The following MYO1H variants were observed in gnomAD, a reference collection of about 807,000 sequenced individuals.
MYO1H encodes myosin IH.
MYO1H carries 118 observed loss-of-function variants against 149.3 expected under a neutral mutation model. That is an observed-to-expected ratio of 0.79 (90% CI 0.68 to 0.92). MYO1H has a LOEUF of 0.92. MYO1H is among the 40% of genes least tolerant of loss of function. MYO1H has a pLI of 0.00. For missense variants in MYO1H, 1,212 were observed against 1,280.7 expected, an observed-to-expected ratio of 0.95 and a Z score of 0.82; for synonymous variants, 447 against 465.2, an observed-to-expected ratio of 0.96 and a Z score of 0.50.
At chr12:109,405,239 A>G (rs1157395777) in intron 7 of MYO1H, among the ~76,000 whole-genome samples, 1 of 152,096 alleles carries the variant, frequency 6.6e-6, no homozygotes, top group Non-Finnish European at 1.5e-5. Context: ...ATGGATGGAT[A>G]GATAGATAGA....
At chr12:109,379,635 T>C (rs756952197) in intron 1 of MYO1H, among the ~76,000 whole-genome samples, 3 of 151,770 alleles carry the variant, frequency 2.0e-5, no homozygotes, top group African/African-American at 4.8e-5. Flanking sequence ...AAATAGCATA[T>C]ATAGTTTGCA....
chr12:109,347,584 C>A (rs968733999), upstream of MYO1H, among the ~76,000 whole-genome samples: 3 of 149,302 alleles, frequency 2.0e-5, no homozygotes, highest in African/African-American at 7.4e-5. Flanking sequence ...ATTTTCTTTT[C>A]TTTTTTTTTT....
At chr12:109,408,906 C>G (rs891213939) in intron 10 of MYO1H, among the ~76,000 whole-genome samples, 1 of 152,116 alleles carries the variant, frequency 6.6e-6, no homozygotes, top group Non-Finnish European at 1.5e-5. Flanking sequence ...TCTTGTGCCT[C>G]AAACTCCCAA....
the MYO1H span, among the ~76,000 whole-genome samples, chr12:109,317,349 T>C: frequency 6.6e-6 from 1 of 152,198 alleles, no homozygotes; most frequent in African/African-American, 2.4e-5. Context: ...AGAGAAACAG[T>C]GTCTCATTAC....
the MYO1H span, among the ~76,000 whole-genome samples, chr12:109,312,976 C>T: frequency 6.6e-6 from 1 of 151,888 alleles, no homozygotes; most frequent in Non-Finnish European, 1.5e-5. Context: ...TGTGGTGGCT[C>T]AGGGCTGTAA....
At chr12:109,329,920 C>T in the MYO1H span, among the ~76,000 whole-genome samples, 1 of 152,132 alleles carries the variant, frequency 6.6e-6, no homozygotes, top group Non-Finnish European at 1.5e-5. Context: ...ATAGGACAGC[C>T]GTAGTCTCTG....
At chr12:109,443,773 C>A in intron 28 of MYO1H, 124 bp downstream of exon 28, 1 of 1,019,966 alleles carries the variant, frequency 9.8e-7, no homozygotes. Flanking sequence ...GGTAGTGATG[C>A]ACACCTGTAG....
rs182392734 is a variant in MYO1H, at chr12:109,428,318, G to A, written c.1949+732G>A. Among the ~76,000 whole-genome samples, 16 of 152,228 alleles carry A rather than the reference G, an allele frequency of 1.1e-4. No homozygotes were observed. The East Asian group carries it at 2.7e-3, about 26-fold the overall frequency. On this transcript the variant is annotated intron_variant, in intron 19 of 31. Transcript: ENST00000310903. ...GTGCCTTAGCGCAACGGGCTGTCAA[G>A]AGCAGCAGGTTAGCGGTGGGGACAT...
chr12:109,427,909 AATATATATATATAT>A (rs1555254297), intron 19 of MYO1H, among the ~76,000 whole-genome samples: 4 of 16,418 alleles, frequency 2.4e-4, no homozygotes, highest in South Asian at 3.4e-3. Flanking sequence ...AAAAAAAAAA[AATATATATATATAT>A]ATATATATAT....
In MYO1H at chr12:109,409,225, T is replaced by TTCTTCTTCTTCTTCTTCTTC. The variant is rs1566031713; in HGVS notation, c.1156-331_1156-330insCTTCTTCTTCTTCTTCTTCT. ...TCTCCTTCTTCTTCTCCTTCTTCTT[T>TTCTTCTTCTTCTTCTTCTTC]TTCTTCTTCTTCTTCTTCTTCTTTT... On this transcript the variant is annotated intron_variant, in intron 10 of 31. Coordinates refer to ENST00000310903, the Ensembl canonical transcript of MYO1H. Among the ~76,000 whole-genome samples, 53 of 105,072 alleles carry TTCTTCTTCTTCTTCTTCTTC rather than the reference T, an allele frequency of 5.0e-4. 2 individuals are homozygous for TTCTTCTTCTTCTTCTTCTTC. The highest frequency in any genetic ancestry group is 6.5e-4 in the Admixed American group (6 of 9,296). 68.9% of individuals were successfully genotyped at this position (105,072 alleles called of 152,430 possible). A position where few individuals can be genotyped will look rare whatever the true frequency, so the allele number is the denominator to read the frequency against.
intron 23 of MYO1H, among the ~76,000 whole-genome samples, chr12:109,439,054 C>T (rs949730324): frequency 2.4e-5 from 3 of 124,654 alleles, no homozygotes; most frequent in Admixed American, 9.0e-5. Context: ...TGAAATCTGG[C>T]TTTTGGGGTT....
At chr12:109,406,803 C>A in exon 9 of MYO1H, 1 of 1,613,626 alleles carries the variant, frequency 6.2e-7, no homozygotes, top group Non-Finnish European at 8.5e-7. Flanking sequence ...TGGGGGTCCA[C>A]CCATCAGTCC....
At chr12:109,382,321 A>G (rs990484977) in intron 1 of MYO1H, among the ~76,000 whole-genome samples, 1 of 152,236 alleles carries the variant, frequency 6.6e-6, no homozygotes, top group East Asian at 1.9e-4. Context: ...TTAAGAATGC[A>G]ATTAACAAAA....
intron 6 of MYO1H, 156 bp downstream of exon 6, chr12:109,401,428 T>C: frequency 1.4e-6 from 1 of 703,794 alleles, no homozygotes; most frequent in Non-Finnish European, 2.2e-6. Context: ...AGCAATCTAA[T>C]CCATCTCCTC....
chr12:109,405,214 T>TA (rs1045735352), intron 7 of MYO1H, among the ~76,000 whole-genome samples: 42 of 151,038 alleles, frequency 2.8e-4, no homozygotes, highest in African/African-American at 8.5e-4. Context: ...CCCTGTCTCT[T>TA]AAAAAAAAAG....
In MYO1H at chr12:109,417,517, C is replaced by T. The variant is rs1009569846; in HGVS notation, c.1597+1897C>T. On this transcript the variant is annotated intron_variant, in intron 15 of 31. Transcript: ENST00000310903. ...TAATTTTTTGCATTTTTAGTAGAGACGGGGTTTCACCGTGTTAGCCAGGGT... is the reference window on the plus strand; with the variant it reads ...TAATTTTTTGCATTTTTAGTAGAGATGGGGTTTCACCGTGTTAGCCAGGGT... Among the ~76,000 whole-genome samples the T allele has an allele frequency of 9.9e-5, 15 of 151,868 alleles. 1 individual carries two copies. The highest frequency in any genetic ancestry group is 3.4e-4 in the African/African-American group (14 of 41,352).
chr12:109,390,059 T>C (rs1566024097), intron 2 of MYO1H, among the ~76,000 whole-genome samples: 1 of 152,240 alleles, frequency 6.6e-6, no homozygotes, highest in Non-Finnish European at 1.5e-5. Flanking sequence ...TAAATGTTTC[T>C]GATTTGAACG....
chr12:109,345,912 A>G (rs562496037), upstream of MYO1H, among the ~76,000 whole-genome samples: 2 of 152,294 alleles, frequency 1.3e-5, no homozygotes, highest in East Asian at 3.9e-4. Flanking sequence ...ATGTATAGAG[A>G]CAGCAGATTA....
Position 109,443,045 on chromosome 12 carries a change from T to TGTGTGTATATGTGTAC in MYO1H, c.2689-467_2689-466insGTGTATATGTGTACGT, listed in dbSNP as rs1555255542. Among the ~76,000 whole-genome samples the TGTGTGTATATGTGTAC allele has an allele frequency of 1.9e-3, 182 of 93,518 alleles. 26 individuals are homozygous for TGTGTGTATATGTGTAC. Among genetic ancestry groups the TGTGTGTATATGTGTAC allele is most frequent in the African/African-American group, 9.2e-3 (175 of 19,046 alleles). The allele number at this position is 93,518 out of a possible 152,430, so 61.4% of individuals were successfully genotyped here. A position where few individuals can be genotyped will look rare whatever the true frequency, so the allele number is the denominator to read the frequency against. ...ATATATATATGTGTGTGTGTGTGTGTGTATATATGTGTACGTATGTGTGTA... is the reference window on the plus strand; with the variant it reads ...ATATATATATGTGTGTGTGTGTGTGTGTGTGTATATGTGTACGTATATATGTGTACGTATGTGTGTA... On this transcript the variant is annotated intron_variant, in intron 27 of 31. Transcript: ENST00000310903.
Sources: allele counts gnomAD v4.1 joint callset (sites outside exome capture counted in the v4.1 genomes callset), GRCh38; gene constraint gnomAD v4.1.1; transcripts MANE v1.5; gene names NCBI Gene and HGNC (gene_info 2026-07-23, HGNC 2026-07-21).